The following APOL6 variants were observed in gnomAD, a reference collection of about 807,000 sequenced individuals.
APOL6 encodes apolipoprotein L, 6.
APOL6 carries 1 observed loss-of-function variant against 2.4 expected under a neutral mutation model. The observed-to-expected ratio is 0.41, with a 90% CI of 0.15 to 1.94. The LOEUF (loss-of-function observed/expected upper bound fraction) is 1.94. Among genes scored for constraint, APOL6 ranks in the 30% most tolerant of loss-of-function variants. The pLI is 0.30. For synonymous variants in APOL6, 189 were observed against 169.3 expected (o/e 1.12, Z -0.90); for missense variants, 438 against 429.2 (o/e 1.02, Z -0.18).
chr22:35,650,381 T>C (rs1038188257), intron 1 of APOL6, among the ~76,000 whole-genome samples: 41 of 152,048 alleles, frequency 2.7e-4, no homozygotes, highest in African/African-American at 8.9e-4. Flanking sequence ...GGTTCAACAG[T>C]GAGAGAGTTA....
chr22:35,655,552 C>T (rs922537529), intron 1 of APOL6, among the ~76,000 whole-genome samples: 1 of 152,014 alleles, frequency 6.6e-6, no homozygotes, highest in Non-Finnish European at 1.5e-5. Flanking sequence ...CAGTAGTTTT[C>T]AAAATTGTTA....
chr22:35,656,555 T>A, intron 2 of APOL6, 80 bp downstream of exon 2: 9 of 1,521,506 alleles, frequency 5.9e-6, no homozygotes, highest in Non-Finnish European at 8.2e-6. Context: ...AAGGAATACA[T>A]GTGCTCTGAT....
intron 2 of APOL6, among the ~76,000 whole-genome samples, chr22:35,657,007 C>G (rs1457937945): frequency 6.6e-6 from 1 of 152,216 alleles, no homozygotes; most frequent in Non-Finnish European, 1.5e-5. Flanking sequence ...TAGACATCAC[C>G]AGCTGATACA....
intron 1 of APOL6, among the ~76,000 whole-genome samples, chr22:35,650,711 C>T (rs1216530919): frequency 6.6e-6 from 1 of 152,078 alleles, no homozygotes; most frequent in Non-Finnish European, 1.5e-5. Flanking sequence ...GGGTGGATCA[C>T]CTGAGGTCAG....
At chr22:35,651,146 G>A (rs1325735627) in intron 1 of APOL6, among the ~76,000 whole-genome samples, 1 of 152,088 alleles carries the variant, frequency 6.6e-6, no homozygotes, top group East Asian at 1.9e-4. Flanking sequence ...GGAATGTATT[G>A]GCTTCCCTAG....
In APOL6 at chr22:35,667,399, G is replaced by A. The variant is rs1925216459; in HGVS notation, c.*7803G>A. On this transcript the variant is annotated 3_prime_UTR_variant, in exon 3 of 3. Coordinates refer to ENST00000409652, the MANE Select transcript of APOL6 (RefSeq NM_030641.4). ...GTTCATTGGTAGAGATGCCATCACT[G>A]GGCAAGTGTTCTGAAAACATCTTAT... The A allele has an allele frequency of 6.6e-6, 1 of 152,140 alleles. No individual in the cohort carries two copies. The allele number at this position is 152,140 out of a possible 1,614,324, so 9.4% of individuals were successfully genotyped here.
Position 35,659,208 on chromosome 22 carries a change from G to T in APOL6, c.644G>T (p.Arg215Leu). ...LTTGQVSSRS[R>L]VQVQKAFAGT... ...ACTGGCCAAGTCTCCTCCCGGAGCCGCGTGCAGGTGCAAAAGGCCTTTGCG... is the reference window on the plus strand; with the variant it reads ...ACTGGCCAAGTCTCCTCCCGGAGCCTCGTGCAGGTGCAAAAGGCCTTTGCG... The change falls in exon 3 of 3, where the codon CGC (arginine) becomes CTC (leucine). Residue 215 changes from arginine to leucine, a missense_variant. Transcript: ENST00000409652. 2 of 1,614,162 alleles carry T rather than the reference G, an allele frequency of 1.2e-6. No individual in the cohort carries two copies. The highest frequency in any genetic ancestry group is 1.7e-6 in the Non-Finnish European group (2 of 1,180,042).
rs770454697 is a variant in APOL6, at chr22:35,659,682, C to A, written c.*86C>A. On this transcript the variant is annotated 3_prime_UTR_variant, in exon 3 of 3. Coordinates refer to ENST00000409652, the MANE Select transcript of APOL6 (RefSeq NM_030641.4). ...TGGAGATGAGGGTGCCTGTCCTGGACAGACCTCGGCATGCCTTCTGTTTCT... is the reference window on the plus strand; with the variant it reads ...TGGAGATGAGGGTGCCTGTCCTGGAAAGACCTCGGCATGCCTTCTGTTTCT... 9.4e-5 allele frequency: 138 copies of A among 1,464,662 alleles called. No homozygotes were observed. The highest frequency in any genetic ancestry group is 1.2e-4 in the Non-Finnish European group (132 of 1,106,940). The allele number at this position is 1,464,662 out of a possible 1,614,324, so 90.7% of individuals were successfully genotyped here.
At position 35,667,402 on chromosome 22, in the gene APOL6, C is replaced by G. The variant is rs188608307; in HGVS notation, c.*7806C>G. 2.0e-5 allele frequency: 3 copies of G among 152,274 alleles called. No homozygotes were observed. Among genetic ancestry groups the G allele is most frequent in the Admixed American group, 2.0e-4 (3 of 15,288 alleles). The allele number at this position is 152,274 out of a possible 1,614,324, so 9.4% of individuals were successfully genotyped here. ...CATTGGTAGAGATGCCATCACTGGG[C>G]AAGTGTTCTGAAAACATCTTATCTG... On this transcript the variant is annotated 3_prime_UTR_variant, in exon 3 of 3. Coordinates refer to ENST00000409652, the MANE Select transcript of APOL6 (RefSeq NM_030641.4).
intron 2 of APOL6, among the ~76,000 whole-genome samples, chr22:35,657,058 G>A (rs1254997663): frequency 6.6e-6 from 1 of 152,244 alleles, no homozygotes; most frequent in Non-Finnish European, 1.5e-5. Flanking sequence ...GAGACGCTTG[G>A]TTTAATTAAG....
chr22:35,651,585 C>T (rs1231429347), intron 1 of APOL6, among the ~76,000 whole-genome samples: 1 of 151,768 alleles, frequency 6.6e-6, no homozygotes, highest in Non-Finnish European at 1.5e-5. Flanking sequence ...GTGTGACGTT[C>T]CCCTTCCTGT....
At position 35,658,738 on chromosome 22, in the gene APOL6, C is replaced by T; in HGVS notation, c.174C>T (p.Asp58=). ...AAGAAGATCTGAAAGGGAACATTGACAAGCTCCGTGCCCTCGCAGACGATA... is the reference window on the plus strand; with the variant it reads ...AAGAAGATCTGAAAGGGAACATTGATAAGCTCCGTGCCCTCGCAGACGATA... ...RLKEDLKGNI[D]KLRALADDID... The change falls in exon 3 of 3, where the codon GAC becomes GAT. Residue 58 remains aspartate (D), a synonymous_variant. Coordinates refer to ENST00000409652, the MANE Select transcript of APOL6 (RefSeq NM_030641.4). 1 of 1,614,188 alleles carries T rather than the reference C, an allele frequency of 6.2e-7. No individual in the cohort carries two copies. The highest frequency in any genetic ancestry group is 8.5e-7 in the Non-Finnish European group (1 of 1,180,034).
rs1410742229 is a variant in APOL6, at chr22:35,658,938, T to C, written c.374T>C (p.Ile125Thr). The stretch of plus-strand genomic sequence containing the variant: ...GCAACAGCAGCTGGGGTCACCAGCA[T>C]CGTGAGTGGTACGTTGGAACGCTCC... ...GLATAAGVTS[I>T]VSGTLERSKN... The change falls in exon 3 of 3, where the codon ATC (isoleucine) becomes ACC (threonine). Residue 125 changes from isoleucine to threonine, a missense_variant. Transcript: ENST00000409652. 6.2e-7 allele frequency: 1 copy of C among 1,613,780 alleles called. No homozygotes were observed. The highest frequency in any genetic ancestry group is 8.5e-7 in the Non-Finnish European group (1 of 1,180,024).
rs1372391012 is a variant in APOL6, at chr22:35,656,283, A to G, written c.-47-96A>G. On this transcript the variant is annotated intron_variant, in intron 1 of 2. Transcript: ENST00000409652. The stretch of plus-strand genomic sequence containing the variant: ...ATATTTAGTATGCTATGTGGTTGTT[A>G]TTTTGATAGTACATAATCCAAAATC... 3 of 912,472 alleles carry G rather than the reference A, an allele frequency of 3.3e-6. No individual in the cohort carries two copies. The East Asian group carries it at 7.3e-5, about 22-fold the overall frequency. 56.5% of individuals were successfully genotyped at this position (912,472 alleles called of 1,614,324 possible). A position where few individuals can be genotyped will look rare whatever the true frequency, so the allele number is the denominator to read the frequency against.
chr22:35,659,262 C>T lies in APOL6; in HGVS notation c.698C>T (p.Ala233Val), dbSNP rs1924945789. The T allele has an allele frequency of 1.2e-6, 2 of 1,614,056 alleles. No individual in the cohort carries two copies. Among genetic ancestry groups the T allele is most frequent in the Non-Finnish European group, 1.7e-6 (2 of 1,180,030 alleles). The change falls in exon 3 of 3, where the codon GCT (alanine) becomes GTT (valine). Residue 233 changes from alanine (A) to valine (V), a missense_variant. Ala to Val is a moderately conservative substitution (Grantham distance 64). Transcript: ENST00000409652. ...ACAACACTGGCGATGACCAAAAATG[C>T]TCGCGTGCTGGGAGGTGTGATGTCC... Reference protein sequence around the residue: ...AGTTLAMTKNARVLGGVMSAF... With the variant: ...AGTTLAMTKNVRVLGGVMSAF...
chr22:35,653,719 A>T (rs1924764884), intron 1 of APOL6, among the ~76,000 whole-genome samples: 1 of 152,078 alleles, frequency 6.6e-6, no homozygotes, highest in African/African-American at 2.4e-5. Flanking sequence ...TCACCAAAAT[A>T]TGTGAGTTTT....
At position 35,659,094 on chromosome 22, in the gene APOL6, C is replaced by T; in HGVS notation, c.530C>T (p.Thr177Ile). 1 of 1,614,092 alleles carries T rather than the reference C, an allele frequency of 6.2e-7. No homozygotes were observed. Among genetic ancestry groups the T allele is most frequent in the Non-Finnish European group, 8.5e-7 (1 of 1,180,040 alleles). The change falls in exon 3 of 3, where the codon ACC (threonine) becomes ATC (isoleucine). Residue 177 changes from threonine (T) to isoleucine (I), a missense_variant. Physicochemically the swap from Thr to Ile is moderately conservative, Grantham distance 89 (BLOSUM62 -1). Coordinates refer to ENST00000409652, the MANE Select transcript of APOL6 (RefSeq NM_030641.4). ...AAGATTATCTATAATCTTAGAAACACCTTGAAGTATGCCAAGAAAAACGTC... is the reference window on the plus strand; with the variant it reads ...AAGATTATCTATAATCTTAGAAACATCTTGAAGTATGCCAAGAAAAACGTC... ...AGKIIYNLRN[T>I]LKYAKKNVRA...
rs1601866827 is a variant in APOL6 at position 35,656,483 on chromosome 22, A to G, written c.50+8A>G. On this transcript the variant is annotated splice_region_variant and intron_variant, in intron 2 of 2. Coordinates refer to ENST00000409652, the MANE Select transcript of APOL6 (RefSeq NM_030641.4). ...TGGTGTTGGTTTGCAAAGGTAATCC[A>G]AAGGGTGTAGTCCCCAGGGAGAGGG... 2 of 1,614,084 alleles carry G rather than the reference A, an allele frequency of 1.2e-6. No homozygotes were observed.
In APOL6 at chr22:35,660,875, T is replaced by C. The variant is rs1925004433; in HGVS notation, c.*1279T>C. On this transcript the variant is annotated 3_prime_UTR_variant, in exon 3 of 3. Coordinates refer to ENST00000409652, the MANE Select transcript of APOL6 (RefSeq NM_030641.4). ...TATTGGAGGGGTAGAAGGAACTTCC[T>C]TTCTAGACCTTGAAGGTTTAAGAAT... is the stretch of plus-strand genomic sequence containing the variant. 1 of 152,388 alleles carries C rather than the reference T, an allele frequency of 6.6e-6. No individual in the cohort carries two copies. Among genetic ancestry groups the C allele is most frequent in the East Asian group, 1.9e-4 (1 of 5,190 alleles). The allele number at this position is 152,388 out of a possible 1,614,324, so 9.4% of individuals were successfully genotyped here. A position where few individuals can be genotyped will look rare whatever the true frequency, so the allele number is the denominator to read the frequency against.
Sources: gnomAD v4.1 joint callset for allele counts (sites outside exome capture counted in the v4.1 genomes callset) on GRCh38, gnomAD v4.1.1 for gene constraint, MANE v1.5 for transcripts, NCBI Gene and HGNC (gene_info 2026-07-23, HGNC 2026-07-21) for gene names.